The following ARHGAP24 variants were observed in gnomAD, a reference collection of about 807,000 sequenced individuals.
ARHGAP24 encodes the protein rho GTPase-activating protein 24.
In ARHGAP24, 50 loss-of-function variants were observed where a neutral mutation model predicts 76.4. The ratio of observed to expected loss-of-function variants is 0.65; its 90% confidence interval spans 0.52 to 0.83. The LOEUF is 0.83. Among genes scored for constraint, ARHGAP24 ranks in the 40% least tolerant of loss-of-function variants. The pLI, the probability that ARHGAP24 is intolerant of heterozygous loss-of-function variation, is 0.00. For synonymous variants in ARHGAP24, 345 were observed against 323.3 expected (o/e 1.07, Z -0.72); for missense variants, 930 against 914.2 (o/e 1.02, Z -0.22).
At chr4:85,634,700 T>C (rs941946409) in intron 2 of ARHGAP24, among the ~76,000 whole-genome samples, 9 of 151,874 alleles carry the variant, frequency 5.9e-5, no homozygotes, top group African/African-American at 1.9e-4. Context: ...TACCAGTTCA[T>C]TTAAGTTTTA....
intron 1 of ARHGAP24, among the ~76,000 whole-genome samples, chr4:85,482,504 C>T (rs560408801): frequency 5.9e-5 from 9 of 152,108 alleles, no homozygotes; most frequent in African/African-American, 2.2e-4. Flanking sequence ...AGAACCCCTG[C>T]ACAACAGGTC....
At chr4:85,531,827 T>A (rs1725268274) in intron 1 of ARHGAP24, among the ~76,000 whole-genome samples, 1 of 152,042 alleles carries the variant, frequency 6.6e-6, no homozygotes, top group Non-Finnish European at 1.5e-5. Flanking sequence ...GGACTTCACC[T>A]CCAGGCTTCA....
intron 3 of ARHGAP24, among the ~76,000 whole-genome samples, chr4:85,810,768 A>T (rs899032629): frequency 4.6e-5 from 7 of 152,150 alleles, no homozygotes; most frequent in African/African-American, 1.4e-4. Context: ...CTTCAGTGTC[A>T]CTTCTTTTTG....
chr4:85,833,164 C>G (rs977817993), intron 3 of ARHGAP24, among the ~76,000 whole-genome samples: 1 of 152,156 alleles, frequency 6.6e-6, no homozygotes, highest in Non-Finnish European at 1.5e-5. Flanking sequence ...ATTGAGGCCT[C>G]AAAGTACCAT....
chr4:85,758,519 C>T (rs1045755971), intron 3 of ARHGAP24, among the ~76,000 whole-genome samples: 1 of 152,184 alleles, frequency 6.6e-6, no homozygotes, highest in African/African-American at 2.4e-5. Flanking sequence ...AGGAATATCA[C>T]TCTCATTACC....
chr4:85,873,811 C>T (rs1158045124), intron 3 of ARHGAP24, among the ~76,000 whole-genome samples: 1 of 152,160 alleles, frequency 6.6e-6, no homozygotes, highest in Non-Finnish European at 1.5e-5. Flanking sequence ...CTGCTCTCCA[C>T]TCAGGATAAT....
intron 2 of ARHGAP24, among the ~76,000 whole-genome samples, chr4:85,613,767 A>C (rs1461428678): frequency 6.6e-6 from 1 of 152,176 alleles, no homozygotes; most frequent in Non-Finnish European, 1.5e-5. Context: ...CATTTATTTT[A>C]ACCAAACATA....
chr4:85,726,683 C>G (rs932116348), intron 3 of ARHGAP24, among the ~76,000 whole-genome samples: 4 of 152,132 alleles, frequency 2.6e-5, no homozygotes, highest in Non-Finnish European at 4.4e-5. Context: ...AGAGAGAGTA[C>G]TACAGTATCC....
chr4:85,922,133 G>C (rs1735753613), intron 3 of ARHGAP24, among the ~76,000 whole-genome samples: 1 of 151,956 alleles, frequency 6.6e-6, no homozygotes, highest in African/African-American at 2.4e-5. Flanking sequence ...TAGTTTTTTT[G>C]AGCCCTTCCT....
intron 2 of ARHGAP24, among the ~76,000 whole-genome samples, chr4:85,655,137 A>T (rs1722091543): frequency 6.6e-6 from 1 of 152,114 alleles, no homozygotes; most frequent in Admixed American, 6.5e-5. Flanking sequence ...TGGGTATCTA[A>T]TGTTTTTTGC....
At chr4:85,552,423 ATTGTT>A (rs1307093171) in intron 1 of ARHGAP24, among the ~76,000 whole-genome samples, 1 of 151,872 alleles carries the variant, frequency 6.6e-6, no homozygotes, top group Admixed American at 6.6e-5. Context: ...GAATTTGTTG[ATTGTT>A]TTATGTCCAA....
At chr4:85,822,803 C>A (rs1729536883) in intron 3 of ARHGAP24, among the ~76,000 whole-genome samples, 1 of 152,178 alleles carries the variant, frequency 6.6e-6, no homozygotes, top group Admixed American at 6.5e-5. Flanking sequence ...TGCTCCTGCA[C>A]ACACATACAC....
At chr4:85,978,395 A>G (rs1024077859) in intron 8 of ARHGAP24, among the ~76,000 whole-genome samples, 2 of 152,166 alleles carry the variant, frequency 1.3e-5, no homozygotes, top group Non-Finnish European at 2.9e-5. Context: ...ACTACCTGAT[A>G]CCGTTCCTTT....
chr4:85,738,524 T>C lies in ARHGAP24; in HGVS notation c.268+16552T>C, dbSNP rs373086693. On this transcript the variant is annotated intron_variant, in intron 3 of 9. Coordinates refer to ENST00000395184, the MANE Select transcript of ARHGAP24 (RefSeq NM_001025616.3). ...TATCCCATGAGTTGTTCTTTTACTT[T>C]ACTGGTGGTGTCCTTGAACCACAGA... Among the ~76,000 whole-genome samples the C allele has an allele frequency of 2.6e-5, 4 of 151,978 alleles. No individual in the cohort carries two copies. In the East Asian group the frequency reaches 5.8e-4, roughly 22 times the overall value.
intron 3 of ARHGAP24, among the ~76,000 whole-genome samples, chr4:85,800,267 A>C (rs567597033): frequency 6.6e-6 from 1 of 152,066 alleles, no homozygotes; most frequent in Non-Finnish European, 1.5e-5. Context: ...TGTAAAGCTT[A>C]AAGAGAAAAA....
At chr4:85,955,377 AAAAAC>A (rs879453677) in intron 5 of ARHGAP24, among the ~76,000 whole-genome samples, 170 of 152,232 alleles carry the variant, frequency 1.1e-3, no homozygotes, top group African/African-American at 2.3e-3. Context: ...CTGGGTAGCT[AAAAAC>A]AAAACAAAAC....
intron 1 of ARHGAP24, among the ~76,000 whole-genome samples, chr4:85,492,499 C>G (rs905986135): frequency 4.6e-5 from 7 of 152,210 alleles, no homozygotes; most frequent in African/African-American, 1.4e-4. Context: ...TCAAAAAAGC[C>G]TATATTTAAA....
chr4:85,930,119 C>T (rs1736243352), intron 4 of ARHGAP24, among the ~76,000 whole-genome samples: 1 of 152,190 alleles, frequency 6.6e-6, no homozygotes, highest in South Asian at 2.1e-4. Context: ...GGAGCAACCG[C>T]AGCCCTGCCA....
chr4:85,785,394 A>G (rs1727787785), intron 3 of ARHGAP24, among the ~76,000 whole-genome samples: 1 of 152,180 alleles, frequency 6.6e-6, no homozygotes, highest in African/African-American at 2.4e-5. Flanking sequence ...TCTTGGCCCG[A>G]TTGCAAGTGG....
Sources: allele counts gnomAD v4.1 joint callset (sites outside exome capture counted in the v4.1 genomes callset), GRCh38; gene constraint gnomAD v4.1.1; transcripts MANE v1.5; gene names NCBI Gene and HGNC (gene_info 2026-07-23, HGNC 2026-07-21).